The following ASIC2 variants were observed in gnomAD, a reference collection of about 807,000 sequenced individuals.
ASIC2 encodes the protein acid-sensing ion channel 2.
A neutral mutation model predicts 57.3 loss-of-function variants in ASIC2; 25 were observed. The observed-to-expected ratio is 0.44, with a 90% confidence interval of 0.32 to 0.61. The LOEUF (loss-of-function observed/expected upper bound fraction) is 0.61, where lower values mean the gene tolerates loss of function less well. ASIC2 is among the 20% of genes least tolerant of loss of function. ASIC2 has a pLI of 0.06. For missense variants in ASIC2, 641 were observed against 738.1 expected (o/e 0.87, Z 1.52); for synonymous variants, 319 against 307.5 (o/e 1.04, Z -0.39).
At chr17:33,684,606 A>G (rs539688578) in intron 1 of ASIC2, among the ~76,000 whole-genome samples, 3 of 152,360 alleles carry the variant, frequency 2.0e-5, no homozygotes, top group Non-Finnish European at 2.9e-5. Context: ...TTTGCAGAAC[A>G]TCATGAAATA....
chr17:33,766,341 G>A (rs2951666), intron 1 of ASIC2, among the ~76,000 whole-genome samples: 147,585 of 152,320 alleles, frequency 0.97, 71,524 homozygotes, highest in African/African-American at 0.99. Context: ...TGAGGCTTTT[G>A]GAATGTATCC....
chr17:33,464,484 C>A (rs867679192), intron 1 of ASIC2, among the ~76,000 whole-genome samples: 1 of 36,730 alleles, frequency 2.7e-5, no homozygotes, highest in Non-Finnish European at 5.7e-5. Flanking sequence ...TCTTTTCTCT[C>A]TTTCTTTCTT....
chr17:33,190,514 T>A (rs1319058867), intron 1 of ASIC2, among the ~76,000 whole-genome samples: 2 of 152,116 alleles, frequency 1.3e-5, no homozygotes, highest in African/African-American at 2.4e-5. Flanking sequence ...GCAGGATTTT[T>A]AAAAAATAGA....
chr17:33,338,504 T>A (rs1307110089), intron 1 of ASIC2, among the ~76,000 whole-genome samples: 1 of 152,094 alleles, frequency 6.6e-6, no homozygotes, highest in Non-Finnish European at 1.5e-5. Context: ...TCCAGGCAGA[T>A]GGAGCAGCAT....
intron 1 of ASIC2, among the ~76,000 whole-genome samples, chr17:33,632,024 A>G (rs1456107582): frequency 6.6e-6 from 1 of 152,192 alleles, no homozygotes; most frequent in Non-Finnish European, 1.5e-5. Flanking sequence ...AGGAGGCAGC[A>G]TGGCAGAAGT....
chr17:34,032,065 T>G (rs550908303), intron 1 of ASIC2, among the ~76,000 whole-genome samples: 7 of 152,232 alleles, frequency 4.6e-5, no homozygotes, highest in Admixed American at 1.3e-4. Context: ...AATTGTCAGA[T>G]GAACCAAAGT....
intron 1 of ASIC2, chr17:34,038,942 T>G (rs1907993663): frequency 6.2e-7 from 1 of 1,612,994 alleles, no homozygotes; most frequent in Admixed American, 1.7e-5. Context: ...ATCTGTCCAC[T>G]GCTCAGTAAA....
At chr17:34,026,356 G>A (rs80306370) in intron 1 of ASIC2, among the ~76,000 whole-genome samples, 2 of 152,112 alleles carry the variant, frequency 1.3e-5, no homozygotes, top group Non-Finnish European at 2.9e-5. Flanking sequence ...TAAATGTCTG[G>A]CGGCTTAGGT....
In ASIC2 at chr17:33,695,275, G is replaced by A. The variant is rs117605039; in HGVS notation, c.555+460703C>T. 5.9e-5 allele frequency among the ~76,000 whole-genome samples: 9 copies of A among 152,172 alleles called. No individual in the cohort carries two copies. In the East Asian group the frequency reaches 1.7e-3, roughly 29 times the overall value. On this transcript the variant is annotated intron_variant, in intron 1 of 9. Coordinates refer to the ASIC2 transcript ENST00000359872. ...ATGTCTAACTCTGAAAATCCAGGAAGAGTAACATAAACAAATCATTTAAAA... is the reference window on the plus strand; with the variant it reads ...ATGTCTAACTCTGAAAATCCAGGAAAAGTAACATAAACAAATCATTTAAAA...
chr17:33,849,112 T>C (rs1445713869), intron 1 of ASIC2, among the ~76,000 whole-genome samples: 2 of 152,222 alleles, frequency 1.3e-5, no homozygotes, highest in East Asian at 1.9e-4. Flanking sequence ...CACCCTTCTA[T>C]ACCAGTGAAT....
intron 1 of ASIC2, among the ~76,000 whole-genome samples, chr17:33,284,068 G>A (rs1311727466): frequency 2.6e-5 from 4 of 152,172 alleles, no homozygotes; most frequent in Non-Finnish European, 5.9e-5. Flanking sequence ...AAAGTGTCTG[G>A]CAGAAAGAAG....
At chr17:33,907,004 G>A (rs1241079573) in intron 1 of ASIC2, among the ~76,000 whole-genome samples, 6 of 152,068 alleles carry the variant, frequency 3.9e-5, no homozygotes, top group African/African-American at 1.2e-4. Flanking sequence ...GCTCTTTTGG[G>A]TTTTAGGTTC....
At chr17:33,934,228 T>C (rs138243365) in intron 1 of ASIC2, among the ~76,000 whole-genome samples, 2 of 152,330 alleles carry the variant, frequency 1.3e-5, no homozygotes, top group African/African-American at 2.4e-5. Context: ...TATTATGGCT[T>C]AGCAATTCGG....
intron 1 of ASIC2, among the ~76,000 whole-genome samples, chr17:34,062,747 C>T (rs1000230932): frequency 4.6e-5 from 7 of 152,106 alleles, no homozygotes; most frequent in Non-Finnish European, 4.4e-5. Context: ...AACACCTTTA[C>T]GCACATAAAC....
intron 3 of ASIC2, among the ~76,000 whole-genome samples, chr17:33,031,577 C>G (rs914322814): frequency 6.6e-6 from 1 of 152,126 alleles, no homozygotes; most frequent in Non-Finnish European, 1.5e-5. Context: ...CATTCTGTAA[C>G]TGTTGGCGTA....
rs546449252 is a variant in ASIC2, at chr17:34,123,327, G to A, written c.555+32651C>T. On this transcript the variant is annotated intron_variant, in intron 1 of 9. Transcript: ENST00000359872. ...TTACCCAGAAACCCCACAGGAACCCGCCCAACCCAGTCAGGAGGAAGGCTT... is the reference window on the plus strand; with the variant it reads ...TTACCCAGAAACCCCACAGGAACCCACCCAACCCAGTCAGGAGGAAGGCTT... Among the ~76,000 whole-genome samples the A allele has an allele frequency of 1.1e-4, 17 of 152,232 alleles. No homozygotes were observed. The East Asian group carries it at 2.3e-3, about 21-fold the overall frequency.
At chr17:33,425,329 C>T (rs1911180149) in intron 1 of ASIC2, among the ~76,000 whole-genome samples, 1 of 152,244 alleles carries the variant, frequency 6.6e-6, no homozygotes, top group Admixed American at 6.5e-5. Context: ...TGGAAAACAA[C>T]TCAGCTCTGT....
chr17:34,116,242 T>C (rs1381944734), intron 1 of ASIC2, among the ~76,000 whole-genome samples: 1 of 152,218 alleles, frequency 6.6e-6, no homozygotes, highest in Non-Finnish European at 1.5e-5. Context: ...TACCAGTATG[T>C]ATAATGTCAG....
Position 33,858,013 on chromosome 17 carries a change from AG to A in ASIC2, c.555+297964del, listed in dbSNP as rs370599300. On this transcript the variant is annotated intron_variant, in intron 1 of 9. Coordinates refer to the ASIC2 transcript ENST00000359872. Reference sequence around the variant, plus strand: ...CCTGGGTTCTAAGTGGGAGGTCAAGAGGACCTCAGGTAACACCTTGCAGTGA... The same window carrying A: ...CCTGGGTTCTAAGTGGGAGGTCAAGAGACCTCAGGTAACACCTTGCAGTGA... Among the ~76,000 whole-genome samples the A allele has an allele frequency of 3.1e-3, 466 of 152,282 alleles. 4 individuals carry two copies. The highest frequency in any genetic ancestry group is 0.011 in the African/African-American group (447 of 41,562).
Sources: gnomAD v4.1 joint callset for allele counts (sites outside exome capture counted in the v4.1 genomes callset) on GRCh38, gnomAD v4.1.1 for gene constraint, MANE v1.5 for transcripts, NCBI Gene and HGNC (gene_info 2026-07-23, HGNC 2026-07-21) for gene names.